Variants in NR2F1-AS1 observed in about 807,000 individuals in gnomAD.
NR2F1-AS1 encodes NR2F1 regulatory antisense RNA 1.
At chr5:93,527,159 C>T (rs1337280078) in intron 4 of NR2F1-AS1, among the ~76,000 whole-genome samples, 1 of 152,170 alleles carries the variant, frequency 6.6e-6, no homozygotes, top group African/African-American at 2.4e-5. Context: ...TCTCAGGATA[C>T]AAAATCAATG....
At chr5:93,471,690 T>A (rs1345978528) in intron 4 of NR2F1-AS1, among the ~76,000 whole-genome samples, 1 of 151,896 alleles carries the variant, frequency 6.6e-6, no homozygotes, top group Non-Finnish European at 1.5e-5. Context: ...TTAGAAGCCA[T>A]TTTAATGAGT....
intron 4 of NR2F1-AS1, among the ~76,000 whole-genome samples, chr5:93,411,793 CT>C (rs2149838808): frequency 6.6e-6 from 1 of 152,260 alleles, no homozygotes; most frequent in African/African-American, 2.4e-5. Context: ...GGTAAGGATT[CT>C]GCATTTTCAT....
chr5:93,477,430 A>G (rs1203735382), intron 4 of NR2F1-AS1, among the ~76,000 whole-genome samples: 2 of 152,182 alleles, frequency 1.3e-5, no homozygotes, highest in South Asian at 2.1e-4. Context: ...TCAAGATACT[A>G]TATGCAATTT....
intron 4 of NR2F1-AS1, among the ~76,000 whole-genome samples, chr5:93,446,729 G>A (rs542351779): frequency 6.6e-6 from 1 of 152,234 alleles, no homozygotes; most frequent in African/African-American, 2.4e-5. Context: ...AACCAAAAAA[G>A]AGCCCACATT....
chr5:93,538,697 C>T (rs1751889692), intron 4 of NR2F1-AS1, among the ~76,000 whole-genome samples: 1 of 152,090 alleles, frequency 6.6e-6, no homozygotes, highest in South Asian at 2.1e-4. Context: ...CACTGATTCA[C>T]AAAAAGATGA....
intron 4 of NR2F1-AS1, among the ~76,000 whole-genome samples, chr5:93,494,509 G>GT (rs1243973944): frequency 6.6e-6 from 1 of 152,110 alleles, no homozygotes; most frequent in Non-Finnish European, 1.5e-5. Flanking sequence ...GTGTGTGCCT[G>GT]TAATCCAAGG....
intron 1 of NR2F1-AS1, among the ~76,000 whole-genome samples, chr5:93,565,656 T>TA (rs901151771): frequency 5.3e-5 from 8 of 152,032 alleles, no homozygotes; most frequent in Non-Finnish European, 1.0e-4. Context: ...AGTCTTTTTT[T>TA]ATGTAATCAC....
At chr5:93,480,355 G>A (rs529114744) in intron 4 of NR2F1-AS1, among the ~76,000 whole-genome samples, 1 of 151,998 alleles carries the variant, frequency 6.6e-6, no homozygotes, top group East Asian at 1.9e-4. Context: ...AAAAGGGAGT[G>A]GAATAAAATA....
intron 2 of NR2F1-AS1, among the ~76,000 whole-genome samples, chr5:93,562,119 G>A (rs1183405215): frequency 9.5e-5 from 14 of 147,286 alleles, no homozygotes; most frequent in African/African-American, 3.1e-4. Context: ...AGGCCAAGGT[G>A]GGAGAATCGC....
upstream of NR2F1-AS1, chr5:93,581,294 C>T (rs1046922918): frequency 1.3e-5 from 2 of 152,450 alleles, no homozygotes; most frequent in Admixed American, 6.5e-5. Context: ...GCAGCGGCGG[C>T]TTTGTCACTC....
In NR2F1-AS1 at chr5:93,419,172, T is replaced by C. The variant is rs249260; in HGVS notation, n.639-23630A>G. On this transcript the variant is annotated intron_variant and non_coding_transcript_variant, in intron 4 of 5. Coordinates refer to ENST00000660523, the Ensembl canonical transcript of NR2F1-AS1. ...CATACTCGGGAGCACTGTGCAGCCA[T>C]TAAAAATAACATAGTATGCCTCTGT... 1.1e-3 allele frequency among the ~76,000 whole-genome samples: 171 copies of C among 152,290 alleles called. 5 individuals are homozygous for C. In the South Asian group the frequency reaches 0.035, roughly 31 times the overall value.
At chr5:93,510,900 G>A (rs925120547) in intron 4 of NR2F1-AS1, among the ~76,000 whole-genome samples, 1 of 152,148 alleles carries the variant, frequency 6.6e-6, no homozygotes, top group Admixed American at 6.5e-5. Context: ...CTGCACAACT[G>A]TTATTACATA....
At chr5:93,571,893 A>G (rs969898178) in intron 1 of NR2F1-AS1, among the ~76,000 whole-genome samples, 3 of 152,130 alleles carry the variant, frequency 2.0e-5, no homozygotes, top group Non-Finnish European at 4.4e-5. Flanking sequence ...ATTTGTGTGA[A>G]CCTAAGTTCG....
chr5:93,526,231 T>C (rs1233044297), intron 4 of NR2F1-AS1, among the ~76,000 whole-genome samples: 2 of 152,254 alleles, frequency 1.3e-5, no homozygotes, highest in African/African-American at 4.8e-5. Flanking sequence ...AATACCTCTA[T>C]GCAAGTAACT....
chr5:93,456,961 A>G (rs945502415), intron 4 of NR2F1-AS1, among the ~76,000 whole-genome samples: 4 of 152,176 alleles, frequency 2.6e-5, no homozygotes, highest in Admixed American at 2.6e-4. Flanking sequence ...AAAGAGCACT[A>G]TTGCCTATTG....
chr5:93,508,708 T>C (rs1751235972), intron 4 of NR2F1-AS1, among the ~76,000 whole-genome samples: 1 of 151,436 alleles, frequency 6.6e-6, no homozygotes, highest in Non-Finnish European at 1.5e-5. Context: ...TGACCAAACA[T>C]GAATGATTAT....
intron 4 of NR2F1-AS1, among the ~76,000 whole-genome samples, chr5:93,534,672 G>A (rs898209002): frequency 6.6e-6 from 1 of 152,086 alleles, no homozygotes; most frequent in Non-Finnish European, 1.5e-5. Flanking sequence ...TATACGGAAG[G>A]CCTATACCCA....
intron 4 of NR2F1-AS1, among the ~76,000 whole-genome samples, chr5:93,428,797 C>T (rs1044611565): frequency 6.6e-6 from 1 of 152,146 alleles, no homozygotes; most frequent in Admixed American, 6.6e-5. Context: ...CATTGAAGTA[C>T]AGCTAGAATG....
In NR2F1-AS1 at chr5:93,446,552, A is replaced by G. The variant is rs537876923; in HGVS notation, n.639-51010T>C. ...AAACCACTATTCAATGAAATAAAAG[A>G]GGACACAAACAAATGGAAGAACATT... On this transcript the variant is annotated intron_variant and non_coding_transcript_variant, in intron 4 of 5. Transcript: ENST00000660523. 7.9e-5 allele frequency among the ~76,000 whole-genome samples: 12 copies of G among 152,342 alleles called. No homozygotes were observed. In the South Asian group the frequency reaches 8.3e-4, roughly 11 times the overall value.
Sources: gnomAD v4.1 joint callset for allele counts (sites outside exome capture counted in the v4.1 genomes callset) on GRCh38, gnomAD v4.1.1 for gene constraint, MANE v1.5 for transcripts, NCBI Gene and HGNC (gene_info 2026-07-23, HGNC 2026-07-21) for gene names.